Variants in TMCC1 observed in about 807,000 individuals in gnomAD.
The protein encoded by TMCC1 is transmembrane and coiled-coil domains protein 1.
A neutral mutation model predicts 52.4 loss-of-function variants in TMCC1; 15 were observed. That is an observed-to-expected ratio of 0.29 (90% CI 0.19 to 0.44). The LOEUF (loss-of-function observed/expected upper bound fraction) is 0.44. Ranked by LOEUF, TMCC1 falls within the 20% of genes least tolerant of loss-of-function variation. TMCC1 has a pLI of 1.00. For missense variants in TMCC1, 503 were observed against 806.0 expected, an observed-to-expected ratio of 0.62 and a Z score of 4.55; for synonymous variants, 279 against 301.9, an observed-to-expected ratio of 0.92 and a Z score of 0.79.
intron 4 of TMCC1, among the ~76,000 whole-genome samples, chr3:129,818,426 A>G (rs573166815): frequency 2.0e-5 from 3 of 146,764 alleles, no homozygotes; most frequent in Admixed American, 2.0e-4. Flanking sequence ...GAAAAGTTTT[A>G]AAGAAACTTT....
intron 4 of TMCC1, among the ~76,000 whole-genome samples, chr3:129,821,225 T>C (rs1234367751): frequency 2.6e-5 from 4 of 152,194 alleles, no homozygotes; most frequent in South Asian, 2.1e-4. Context: ...GATGTGTAGA[T>C]GTAGATGTAG....
At chr3:129,812,573 G>A (rs148279629) in intron 4 of TMCC1, among the ~76,000 whole-genome samples, 36 of 151,920 alleles carry the variant, frequency 2.4e-4, no homozygotes, top group African/African-American at 8.4e-4. Context: ...TTCACTGGCT[G>A]GATTTCACAA....
intron 4 of TMCC1, among the ~76,000 whole-genome samples, chr3:129,712,254 G>A: frequency 6.6e-6 from 1 of 152,018 alleles, no homozygotes; most frequent in East Asian, 1.9e-4. Context: ...AAGTTATAAG[G>A]CTTTTGTTTA....
At position 129,828,741 on chromosome 3, in the gene TMCC1, A is replaced by G. The variant is rs767995602; in HGVS notation, c.-130-233T>C. 6.6e-6 allele frequency among the ~76,000 whole-genome samples: 1 copy of G among 152,214 alleles called. No individual in the cohort carries two copies. The highest frequency in any genetic ancestry group is 2.4e-5 in the African/African-American group (1 of 41,460). On this transcript the variant is annotated intron_variant, in intron 3 of 6. Transcript: ENST00000393238. The surrounding 1 kb of genome is among the most constrained non-coding windows in gnomAD (Gnocchi z 4.1). ...GAACAAGTCCATAGGAAATTAAAACAGCAATGTTCAAAAGCAAAAATCCCT... is the reference window on the plus strand; with the variant it reads ...GAACAAGTCCATAGGAAATTAAAACGGCAATGTTCAAAAGCAAAAATCCCT...
At chr3:129,808,445 G>A (rs1359266739) in intron 4 of TMCC1, among the ~76,000 whole-genome samples, 1 of 151,594 alleles carries the variant, frequency 6.6e-6, no homozygotes, top group East Asian at 1.9e-4. Context: ...TCACACCACT[G>A]AACTCCAGCC....
At chr3:129,715,854 T>C (rs1473613519) in intron 4 of TMCC1, among the ~76,000 whole-genome samples, 1 of 152,142 alleles carries the variant, frequency 6.6e-6, no homozygotes, top group Non-Finnish European at 1.5e-5. Flanking sequence ...ATTAAATGAG[T>C]TTATATTTAT....
At chr3:129,731,284 C>G (rs2050516433) in intron 4 of TMCC1, among the ~76,000 whole-genome samples, 1 of 152,202 alleles carries the variant, frequency 6.6e-6, no homozygotes, top group Non-Finnish European at 1.5e-5. Context: ...TTATTAAACT[C>G]TTAGCCAATT....
intron 4 of TMCC1, among the ~76,000 whole-genome samples, chr3:129,687,829 G>A (rs1468381615): frequency 6.6e-6 from 1 of 152,164 alleles, no homozygotes; most frequent in Non-Finnish European, 1.5e-5. Context: ...TATAACAGGA[G>A]GAAGGCTTTA....
At chr3:129,670,249 C>G in intron 5 of TMCC1, 81 bp downstream of exon 5, 1 of 1,453,100 alleles carries the variant, frequency 6.9e-7, no homozygotes, top group Non-Finnish European at 9.3e-7. Flanking sequence ...AAGATAAAGA[C>G]TTTTAAAAGC....
At chr3:129,652,520 G>GT (rs1369293551) in intron 6 of TMCC1, among the ~76,000 whole-genome samples, 1 of 152,144 alleles carries the variant, frequency 6.6e-6, no homozygotes, top group Non-Finnish European at 1.5e-5. Context: ...CTTTGTGGCA[G>GT]TAAGACATCA....
At chr3:129,734,752 A>C (rs1319311724) in intron 4 of TMCC1, among the ~76,000 whole-genome samples, 5 of 152,206 alleles carry the variant, frequency 3.3e-5, no homozygotes, top group Non-Finnish European at 5.9e-5. Flanking sequence ...CTTGTCTCTG[A>C]AGAAGCGGAA....
chr3:129,736,457 T>C (rs888361969), intron 4 of TMCC1, among the ~76,000 whole-genome samples: 3 of 152,180 alleles, frequency 2.0e-5, no homozygotes, highest in East Asian at 1.9e-4. Context: ...CATTTAATAA[T>C]TGTGATGAAA....
intron 4 of TMCC1, among the ~76,000 whole-genome samples, chr3:129,745,309 C>A (rs2051835965): frequency 6.6e-6 from 1 of 152,188 alleles, no homozygotes; most frequent in African/African-American, 2.4e-5. Context: ...TTGTCATATC[C>A]TACACCAACT....
At chr3:129,798,907 C>T (rs2057017386) in intron 4 of TMCC1, among the ~76,000 whole-genome samples, 1 of 152,126 alleles carries the variant, frequency 6.6e-6, no homozygotes, top group African/African-American at 2.4e-5. Flanking sequence ...GCATTTTAGG[C>T]CCCTTAAATG....
intron 4 of TMCC1, among the ~76,000 whole-genome samples, chr3:129,816,016 T>C (rs1444165913): frequency 1.3e-5 from 2 of 152,012 alleles, no homozygotes; most frequent in Non-Finnish European, 2.9e-5. Context: ...ATCAGAGAAA[T>C]GCAAATCAAA....
intron 4 of TMCC1, among the ~76,000 whole-genome samples, chr3:129,806,008 G>A (rs988297655): frequency 6.6e-6 from 1 of 152,040 alleles, no homozygotes. Context: ...CTCAAATTCT[G>A]TTTACTCAAT....
chr3:129,747,796 C>T (rs2052115558), intron 4 of TMCC1, among the ~76,000 whole-genome samples: 2 of 152,114 alleles, frequency 1.3e-5, no homozygotes, highest in African/African-American at 4.8e-5. Flanking sequence ...CTGCACAGAC[C>T]CATTCCTTCC....
chr3:129,768,265 T>C (rs142899946), intron 4 of TMCC1, among the ~76,000 whole-genome samples: 4 of 152,222 alleles, frequency 2.6e-5, no homozygotes, highest in Non-Finnish European at 4.4e-5. Flanking sequence ...TGCCAGGACA[T>C]AGGTATCCCT....
chr3:129,713,316 C>T (rs898122770), intron 4 of TMCC1, among the ~76,000 whole-genome samples: 1 of 152,090 alleles, frequency 6.6e-6, no homozygotes, highest in African/African-American at 2.4e-5. Flanking sequence ...AGTATTGAGT[C>T]AAATGATGCC....
Sources: gnomAD v4.1 joint callset for allele counts (sites outside exome capture counted in the v4.1 genomes callset) on GRCh38, gnomAD v4.1.1 for gene constraint, Gnocchi (gnomAD v3.1) non-coding constraint, MANE v1.5 for transcripts, NCBI Gene and HGNC (gene_info 2026-07-23, HGNC 2026-07-21) for gene names.